The following NEGR1 variants were observed in gnomAD, a reference collection of about 807,000 sequenced individuals.
The protein encoded by NEGR1 is neuronal growth regulator 1.
NEGR1 carries 10 observed loss-of-function variants against 40.9 expected under a neutral mutation model. That is an observed-to-expected ratio of 0.24 (90% CI 0.15 to 0.42). The LOEUF is 0.42. Ranked by LOEUF, NEGR1 falls within the 10% of genes least tolerant of loss-of-function variation. NEGR1 has a pLI of 1.00. For missense variants in NEGR1, 352 were observed against 438.9 expected (o/e 0.80, Z 1.77); for synonymous variants, 185 against 166.8 (o/e 1.11, Z -0.84).
intron 6 of NEGR1, among the ~76,000 whole-genome samples, chr1:71,571,206 G>C (rs542150663): frequency 6.6e-6 from 1 of 152,110 alleles, no homozygotes; most frequent in Admixed American, 6.5e-5. Flanking sequence ...TTTTGGGACA[G>C]ACATATCTAA....
intron 3 of NEGR1, among the ~76,000 whole-genome samples, chr1:71,705,070 A>T (rs1557620904): frequency 1.3e-5 from 2 of 151,906 alleles, no homozygotes; most frequent in East Asian, 3.9e-4. Context: ...CAATATTTTA[A>T]TTTTTTTCAT....
intron 2 of NEGR1, among the ~76,000 whole-genome samples, chr1:71,830,671 A>G (rs1211242339): frequency 6.6e-6 from 1 of 151,958 alleles, no homozygotes; most frequent in Non-Finnish European, 1.5e-5. Context: ...TAGGGAATAA[A>G]CAGGTAGGTC....
intron 1 of NEGR1, among the ~76,000 whole-genome samples, chr1:71,984,956 C>CA (rs1236829030): frequency 1.3e-5 from 2 of 151,982 alleles, no homozygotes; most frequent in Admixed American, 6.6e-5. Flanking sequence ...ATAAATTCTC[C>CA]TAACAACCAT....
At chr1:71,545,347 T>C (rs998214644) in intron 6 of NEGR1, among the ~76,000 whole-genome samples, 1 of 151,702 alleles carries the variant, frequency 6.6e-6, no homozygotes, top group Non-Finnish European at 1.5e-5. Context: ...CTGGCTTTCA[T>C]GGCAACTGCC....
chr1:72,019,920 C>T (rs571705249), intron 1 of NEGR1, among the ~76,000 whole-genome samples: 98 of 152,254 alleles, frequency 6.4e-4, no homozygotes, highest in African/African-American at 2.3e-3. Context: ...TAACTATGAG[C>T]CAAGGGTTTC....
At chr1:72,259,779 T>C (rs1212548053) in intron 1 of NEGR1, among the ~76,000 whole-genome samples, 1 of 152,086 alleles carries the variant, frequency 6.6e-6, no homozygotes, top group Non-Finnish European at 1.5e-5. Context: ...TAATTGTTCT[T>C]TGACAATAAT....
At chr1:71,926,754 G>A (rs1013082993) in intron 2 of NEGR1, among the ~76,000 whole-genome samples, 2 of 151,828 alleles carry the variant, frequency 1.3e-5, no homozygotes, top group African/African-American at 4.8e-5. Context: ...TTTGTGTAGA[G>A]TAAGAAGTGC....
chr1:72,067,685 T>C (rs1647309672), intron 1 of NEGR1, among the ~76,000 whole-genome samples: 1 of 152,068 alleles, frequency 6.6e-6, no homozygotes, highest in Admixed American at 6.6e-5. Context: ...AATATCAGGT[T>C]TGTGGATTTG....
chr1:71,545,683 A>T (rs1396137440), intron 6 of NEGR1, among the ~76,000 whole-genome samples: 1 of 151,512 alleles, frequency 6.6e-6, no homozygotes, highest in East Asian at 2.0e-4. Flanking sequence ...TTTTCTATGG[A>T]TCTGATAAGC....
rs75001691 is a variant in NEGR1 at position 71,505,136 on chromosome 1, C to T, written c.940+87681G>A. Reference sequence around the variant, plus strand: ...ATTCATTGAAGAAGGACTATTAGAACCCTGCATGTCACCATACAAACCATA... The same window carrying T: ...ATTCATTGAAGAAGGACTATTAGAATCCTGCATGTCACCATACAAACCATA... On this transcript the variant is annotated intron_variant, in intron 6 of 6. Coordinates refer to ENST00000357731, the MANE Select transcript of NEGR1 (RefSeq NM_173808.3). 4.5e-3 allele frequency among the ~76,000 whole-genome samples: 678 copies of T among 152,258 alleles called. 33 individuals are homozygous for T. The East Asian group carries it at 0.1, about 23-fold the overall frequency.
chr1:71,761,846 G>A (rs922543913), intron 3 of NEGR1, among the ~76,000 whole-genome samples: 2 of 151,878 alleles, frequency 1.3e-5, no homozygotes, highest in South Asian at 4.1e-4. Flanking sequence ...AATAAAAGAA[G>A]GAAACTTAGG....
intron 6 of NEGR1, among the ~76,000 whole-genome samples, chr1:71,582,211 G>A (rs1290775984): frequency 6.6e-6 from 1 of 151,976 alleles, no homozygotes; most frequent in African/African-American, 2.4e-5. Context: ...TGTGAGGAGG[G>A]TAGATAATGT....
At chr1:71,562,309 C>A (rs1457446941) in intron 6 of NEGR1, among the ~76,000 whole-genome samples, 1 of 151,802 alleles carries the variant, frequency 6.6e-6, no homozygotes, top group Non-Finnish European at 1.5e-5. Context: ...GCCCTAGAAT[C>A]TAGAAAGATC....
intron 1 of NEGR1, among the ~76,000 whole-genome samples, chr1:71,961,670 C>T (rs1646166220): frequency 1.3e-5 from 2 of 152,050 alleles, no homozygotes; most frequent in South Asian, 2.1e-4. Flanking sequence ...AATTCCAGAG[C>T]TATCACTTTT....
chr1:71,768,208 G>C (rs1435029807), intron 3 of NEGR1, among the ~76,000 whole-genome samples: 1 of 152,120 alleles, frequency 6.6e-6, no homozygotes, highest in Non-Finnish European at 1.5e-5. Context: ...CTGACAGCTT[G>C]TACCCTACAC....
intron 1 of NEGR1, among the ~76,000 whole-genome samples, chr1:72,267,548 C>A (rs902084126): frequency 6.0e-5 from 9 of 151,074 alleles, no homozygotes; most frequent in Non-Finnish European, 1.2e-4. Flanking sequence ...TTGAATGCCA[C>A]AAGAATATTC....
chr1:71,651,990 C>T (rs1402590986), intron 4 of NEGR1, among the ~76,000 whole-genome samples: 2 of 152,116 alleles, frequency 1.3e-5, no homozygotes, highest in Admixed American at 6.6e-5. Flanking sequence ...TTTATGCCAA[C>T]TCTTTTGCTT....
At chr1:71,921,779 C>T (rs1645723228) in intron 2 of NEGR1, among the ~76,000 whole-genome samples, 1 of 144,532 alleles carries the variant, frequency 6.9e-6, no homozygotes, top group South Asian at 2.2e-4. Flanking sequence ...TATTTTATAA[C>T]ATAAAATATG....
intron 2 of NEGR1, among the ~76,000 whole-genome samples, chr1:71,779,775 GC>G (rs1336981199): frequency 6.6e-6 from 1 of 151,812 alleles, no homozygotes; most frequent in East Asian, 1.9e-4. Context: ...TGCCACATTG[GC>G]CAGGCTGCTC....
Sources: allele counts gnomAD v4.1 joint callset (sites outside exome capture counted in the v4.1 genomes callset), GRCh38; gene constraint gnomAD v4.1.1; transcripts MANE v1.5; gene names NCBI Gene and HGNC (gene_info 2026-07-23, HGNC 2026-07-21).